The following ATXN1L variants were observed in gnomAD, a reference collection of about 807,000 sequenced individuals.
ATXN1L encodes ataxin 1 like, also known as ataxin-1-like.
ATXN1L carries 8 observed loss-of-function variants against 43.4 expected under a neutral mutation model. The ratio of observed to expected loss-of-function variants is 0.18; its 90% CI spans 0.11 to 0.33. ATXN1L has a LOEUF of 0.33. Ranked by LOEUF, ATXN1L falls within the 10% of genes least tolerant of loss-of-function variation. ATXN1L has a pLI of 1.00. For missense variants in ATXN1L, 856 were observed against 885.4 expected (o/e 0.97, Z 0.42); for synonymous variants, 379 against 360.6 (o/e 1.05, Z -0.58).
In ATXN1L at chr16:71,848,089, A is replaced by C; in HGVS notation, c.-118+18A>C. On this transcript the variant is annotated intron_variant, in intron 2 of 2. Coordinates refer to ENST00000427980, the MANE Select transcript of ATXN1L (RefSeq NM_001137675.4). ...AAACTCAGGTAATACCGGCACTTTG[A>C]ATTCCTTGTTTCAGGAAAATATCTG... 6 of 455,696 alleles carry C rather than the reference A, an allele frequency of 1.3e-5. No individual in the cohort carries two copies. Among genetic ancestry groups the C allele is most frequent in the South Asian group, 7.8e-5 (5 of 64,508 alleles). 28.2% of individuals were successfully genotyped at this position (455,696 alleles called of 1,614,324 possible).
In ATXN1L at chr16:71,849,999, G is replaced by A. The variant is rs1597110210; in HGVS notation, c.259G>A (p.Val87Met). 3.9e-6 allele frequency: 6 copies of A among 1,551,686 alleles called. No individual in the cohort carries two copies. Among genetic ancestry groups the A allele is most frequent in the Non-Finnish European group, 5.2e-6 (6 of 1,146,992 alleles). The change falls in exon 3 of 3, where the codon GTG becomes ATG. Residue 87 changes from valine (V) to methionine (M), a missense_variant. Transcript: ENST00000427980. ...GTATGGCATGCTGTATAAGGTGGCT[G>A]TGCCGCCTGCCACCTTTTCACCAAC... The part of the protein sequence containing the change: ...DQYGMLYKVA[V>M]PPATFSPTGL...
intron 2 of ATXN1L, among the ~76,000 whole-genome samples, chr16:71,848,622 G>A (rs1195349342): frequency 2.0e-5 from 3 of 152,074 alleles, no homozygotes; most frequent in African/African-American, 7.2e-5. Flanking sequence ...TATAGAGGCT[G>A]AGTTAAAATG....
In ATXN1L at chr16:71,850,027, G is replaced by T. The variant is rs757026295; in HGVS notation, c.287G>T (p.Gly96Val). ...AVPPATFSPT[G>V]LPSVVNMSPL... is the part of the protein sequence containing the mutation. ...CCGCCTGCCACCTTTTCACCAACTGGACTCCCATCTGTGGTGAATATGAGT... is the reference window on the plus strand; with the variant it reads ...CCGCCTGCCACCTTTTCACCAACTGTACTCCCATCTGTGGTGAATATGAGT... Residue 96 changes from glycine to valine, a missense_variant, in exon 3 of 3, where the codon GGA becomes GTA. Physicochemically the swap from Gly to Val is moderately radical, Grantham distance 109 (BLOSUM62 -3). Coordinates refer to ENST00000427980, the MANE Select transcript of ATXN1L (RefSeq NM_001137675.4). The T allele has an allele frequency of 2.6e-6, 4 of 1,551,582 alleles. No individual in the cohort carries two copies. Among genetic ancestry groups the T allele is most frequent in the African/African-American group, 1.4e-5 (1 of 73,102 alleles).
chr16:71,850,413 G>A lies in ATXN1L; in HGVS notation c.673G>A (p.Gly225Ser). 1 of 1,551,714 alleles carries A rather than the reference G, an allele frequency of 6.4e-7. No homozygotes were observed. Among genetic ancestry groups the A allele is most frequent in the South Asian group, 1.2e-5 (1 of 84,064 alleles). Residue 225 changes from glycine to serine, a missense_variant, in exon 3 of 3, where the codon GGT (glycine) becomes AGT (serine). Transcript: ENST00000427980. ...TACTCAGCCGCTGGACCTTGCTCCA[G>A]GTCGGATGCCCATTTATTATCAGAT... Reference protein sequence around the residue: ...SSTQPLDLAPGRMPIYYQMSR... With the variant: ...SSTQPLDLAPSRMPIYYQMSR...
Position 71,849,839 on chromosome 16 carries a change from C to T in ATXN1L, c.99C>T (p.Ser33=). Residue 33 remains serine (S), a synonymous_variant, in exon 3 of 3, where the codon TCC becomes TCT. Coordinates refer to ENST00000427980, the MANE Select transcript of ATXN1L (RefSeq NM_001137675.4). ...SEDMGRTTSC[S]TNHTPSSDAS... The stretch of plus-strand genomic sequence containing the variant: ...ATATGGGGAGAACTACCAGCTGCTC[C>T]ACTAACCACACACCCTCCAGTGATG... 6.4e-7 allele frequency: 1 copy of T among 1,551,382 alleles called. No homozygotes were observed.
At chr16:71,847,124 G>C (rs534822913) in intron 1 of ATXN1L, among the ~76,000 whole-genome samples, 1 of 152,318 alleles carries the variant, frequency 6.6e-6, no homozygotes, top group African/African-American at 2.4e-5. Flanking sequence ...CCAATCTTAA[G>C]AGAGAAATGT....
Position 71,856,685 on chromosome 16 carries a change from A to G in ATXN1L, c.*4875A>G, listed in dbSNP as rs2033555284. On this transcript the variant is annotated 3_prime_UTR_variant, in exon 3 of 3. Transcript: ENST00000427980. ...GCTGTCCCCTACAACCTTCTTAGTCACACAGGATCCCTGTAGCCAAAACAG... is the reference window on the plus strand; with the variant it reads ...GCTGTCCCCTACAACCTTCTTAGTCGCACAGGATCCCTGTAGCCAAAACAG... The G allele has an allele frequency of 6.0e-6, 1 of 167,138 alleles. No individual in the cohort carries two copies. The highest frequency in any genetic ancestry group is 1.5e-5 in the Non-Finnish European group (1 of 68,142). The allele number at this position is 167,138 out of a possible 1,614,324, so 10.4% of individuals were successfully genotyped here.
rs1194598876 is a variant in ATXN1L at position 71,853,724 on chromosome 16, CAG to C, written c.*1917_*1918del. ...GCTAAAGGTTGTTCTCCTGGGGGAA[CAG>C]AGTGACTGAAACTGGCTTGTTTGCT... On this transcript the variant is annotated 3_prime_UTR_variant, in exon 3 of 3. Transcript: ENST00000427980. The C allele has an allele frequency of 6.0e-6, 1 of 166,940 alleles. No individual in the cohort carries two copies. The highest frequency in any genetic ancestry group is 6.5e-5 in the Admixed American group (1 of 15,272). 10.3% of individuals were successfully genotyped at this position (166,940 alleles called of 1,614,324 possible).
At position 71,852,090 on chromosome 16, in the gene ATXN1L, A is replaced by C; in HGVS notation, c.*280A>C. The C allele has an allele frequency of 3.4e-6, 1 of 297,198 alleles. No individual in the cohort carries two copies. The highest frequency in any genetic ancestry group is 6.5e-6 in the Non-Finnish European group (1 of 152,838). 18.4% of individuals were successfully genotyped at this position (297,198 alleles called of 1,614,324 possible). A position where few individuals can be genotyped will look rare whatever the true frequency, so the allele number is the denominator to read the frequency against. ...ACAGGAGAAGAAACATTCCAAAATC[A>C]GGGCCTCCCTGTTCTTTCCTCCCCA... On this transcript the variant is annotated 3_prime_UTR_variant, in exon 3 of 3. Coordinates refer to ENST00000427980, the MANE Select transcript of ATXN1L (RefSeq NM_001137675.4).
In ATXN1L at chr16:71,854,034, G is replaced by C. The variant is rs1353357569; in HGVS notation, c.*2224G>C. 1 of 167,058 alleles carries C rather than the reference G, an allele frequency of 6.0e-6. No homozygotes were observed. 10.3% of individuals were successfully genotyped at this position (167,058 alleles called of 1,614,324 possible). A position where few individuals can be genotyped will look rare whatever the true frequency, so the allele number is the denominator to read the frequency against. On this transcript the variant is annotated 3_prime_UTR_variant, in exon 3 of 3. Transcript: ENST00000427980. ...TCAAATGAGAAGGCCTTGGGAGAAG[G>C]CCTCATCTCTGGCTGTTTCATGAGC... is the stretch of plus-strand genomic sequence containing the variant.
Position 71,849,561 on chromosome 16 carries a change from A to G in ATXN1L, c.-117-63A>G, listed in dbSNP as rs2033476852. 4 of 526,144 alleles carry G rather than the reference A, an allele frequency of 7.6e-6. No homozygotes were observed. The African/African-American group carries it at 7.8e-5, about 10-fold the overall frequency. 32.6% of individuals were successfully genotyped at this position (526,144 alleles called of 1,614,324 possible). The stretch of plus-strand genomic sequence containing the variant: ...CTTCCTCCATGGCACAGTTCTTTCT[A>G]TTTCCTTTGTCTTGGCTCATCCCTA... On this transcript the variant is annotated intron_variant, in intron 2 of 2. Transcript: ENST00000427980.
At position 71,850,573 on chromosome 16, in the gene ATXN1L, A is replaced by G. The variant is rs2033490069; in HGVS notation, c.833A>G (p.Asn278Ser). The change falls in exon 3 of 3, where the codon AAT becomes AGT. Residue 278 changes from asparagine (N) to serine (S), a missense_variant. Asn to Ser is a conservative substitution (Grantham distance 46). Transcript: ENST00000427980. ...GGAGGACAGAGACCACGAGAGCGAAATTTAGTAAGACGGGAAAGTGAAGCC... is the reference window on the plus strand; with the variant it reads ...GGAGGACAGAGACCACGAGAGCGAAGTTTAGTAAGACGGGAAAGTGAAGCC... ...ANGGQRPRER[N>S]LVRRESEALD... 2.6e-5 allele frequency: 40 copies of G among 1,551,736 alleles called. No individual in the cohort carries two copies. The highest frequency in any genetic ancestry group is 3.4e-5 in the Non-Finnish European group (39 of 1,147,002).
rs541393223 is a variant in ATXN1L, at chr16:71,847,952, C to G, written c.-179-58C>G. Reference sequence around the variant, plus strand: ...CTTTGGAATTACCTTTCATGGTGACCCTGGGGAGAATTAGAGGTCAGGCAG... The same window carrying G: ...CTTTGGAATTACCTTTCATGGTGACGCTGGGGAGAATTAGAGGTCAGGCAG... On this transcript the variant is annotated intron_variant, in intron 1 of 2. Coordinates refer to ENST00000427980, the MANE Select transcript of ATXN1L (RefSeq NM_001137675.4). 396 of 450,080 alleles carry G rather than the reference C, an allele frequency of 8.8e-4. 1 individual carries two copies. Among genetic ancestry groups the G allele is most frequent in the Middle Eastern group, 2.6e-3 (8 of 3,038 alleles). 27.9% of individuals were successfully genotyped at this position (450,080 alleles called of 1,614,324 possible). A position where few individuals can be genotyped will look rare whatever the true frequency, so the allele number is the denominator to read the frequency against.
chr16:71,850,204 T>C lies in ATXN1L; in HGVS notation c.464T>C (p.Leu155Pro). 7 of 1,551,714 alleles carry C rather than the reference T, an allele frequency of 4.5e-6. No homozygotes were observed. Among genetic ancestry groups the C allele is most frequent in the Non-Finnish European group, 6.1e-6 (7 of 1,146,978 alleles). The change falls in exon 3 of 3, where the codon CTA becomes CCA. Residue 155 changes from leucine (L) to proline (P), a missense_variant. Coordinates refer to ENST00000427980, the MANE Select transcript of ATXN1L (RefSeq NM_001137675.4). ...CCCTATGCTGTGCCACCTAATTTCC[T>C]ACCGAGTCCCCTCCTATCTCCTTCT... ...SLPYAVPPNF[L>P]PSPLLSPSAN...
rs1426121471 is a variant in ATXN1L, at chr16:71,851,387, C to G, written c.1647C>G (p.Gly549=). Residue 549 remains glycine, a synonymous_variant, in exon 3 of 3, where the codon GGC becomes GGG. Coordinates refer to ENST00000427980, the MANE Select transcript of ATXN1L (RefSeq NM_001137675.4). This position sits in a 1 kb window ranked among gnomAD's most constrained non-coding sequence, Gnocchi z 4.9. ...CCGAGCACCCCTTCTTTGTATATGG[C>G]CAGGGTTGGTCCTCTTGCAGCCCTG... The part of the protein sequence containing the change: ...VPPEHPFFVY[G]QGWSSCSPGR... The G allele has an allele frequency of 1.3e-6, 2 of 1,551,454 alleles. No individual in the cohort carries two copies. Among genetic ancestry groups the G allele is most frequent in the African/African-American group, 1.4e-5 (1 of 73,000 alleles).
chr16:71,853,347 G>A lies in ATXN1L; in HGVS notation c.*1537G>A, dbSNP rs889714178. 6.0e-6 allele frequency: 1 copy of A among 167,048 alleles called. No homozygotes were observed. Among genetic ancestry groups the A allele is most frequent in the Non-Finnish European group, 1.5e-5 (1 of 68,150 alleles). 10.3% of individuals were successfully genotyped at this position (167,048 alleles called of 1,614,324 possible). ...GGTTCCACTGGGTATTGGGAATTAGGCTCCCCCACTAGCTTTCAGGTGGGT... is the reference window on the plus strand; with the variant it reads ...GGTTCCACTGGGTATTGGGAATTAGACTCCCCCACTAGCTTTCAGGTGGGT... On this transcript the variant is annotated 3_prime_UTR_variant, in exon 3 of 3. Transcript: ENST00000427980.
rs1312610550 is a variant in ATXN1L, at chr16:71,851,591, G to A, written c.1851G>A (p.Glu617=). ...AGAGGACGGTCTTGGGATCCAGAGA[G>A]CTATGTGACAGTGAGGGGAAGAGCC... The part of the protein sequence containing the change: ...RPERTVLGSR[E]LCDSEGKSQP... The change falls in exon 3 of 3, where the codon GAG becomes GAA. Residue 617 remains glutamate, a synonymous_variant. Transcript: ENST00000427980. The surrounding 1 kb of genome is among the most constrained non-coding windows in gnomAD (Gnocchi z 4.9). The A allele has an allele frequency of 6.5e-7, 1 of 1,548,832 alleles. No homozygotes were observed. Among genetic ancestry groups the A allele is most frequent in the African/African-American group, 1.4e-5 (1 of 72,884 alleles).
At chr16:71,849,048 C>T (rs145887428) in intron 2 of ATXN1L, among the ~76,000 whole-genome samples, 1 of 151,798 alleles carries the variant, frequency 6.6e-6, no homozygotes, top group Non-Finnish European at 1.5e-5. Context: ...AACCCCATCT[C>T]TACTAAAAAT....
Position 71,853,213 on chromosome 16 carries a change from T to G in ATXN1L, c.*1403T>G, listed in dbSNP as rs2033522051. The G allele has an allele frequency of 6.0e-6, 1 of 167,138 alleles. No homozygotes were observed. Among genetic ancestry groups the G allele is most frequent in the African/African-American group, 2.4e-5 (1 of 41,466 alleles). 10.4% of individuals were successfully genotyped at this position (167,138 alleles called of 1,614,324 possible). ...ATGTCATTTTGTGTTGGTATATTCC[T>G]CTGCAAAAAGTATTTTCAATCTTGG... On this transcript the variant is annotated 3_prime_UTR_variant, in exon 3 of 3. Transcript: ENST00000427980.
Sources: allele counts gnomAD v4.1 joint callset (sites outside exome capture counted in the v4.1 genomes callset), GRCh38; gene constraint gnomAD v4.1.1; non-coding constraint Gnocchi (gnomAD v3.1); transcripts MANE v1.5; gene names NCBI Gene and HGNC (gene_info 2026-07-23, HGNC 2026-07-21).